PTCH1: variants seen among roughly 807,000 people sequenced by gnomAD.
PTCH1 encodes the protein protein patched homolog 1.
In PTCH1, 14 loss-of-function variants were observed where a neutral mutation model predicts 144.6. The observed-to-expected ratio is 0.10, with a 90% CI of 0.06 to 0.15. PTCH1 has a LOEUF of 0.15. PTCH1 is among the 10% of genes least tolerant of loss of function. The probability of loss-of-function intolerance (pLI) is 1.00; values close to 1 mark genes in which losing one functional copy is unlikely to be tolerated. For missense variants in PTCH1, 1,623 were observed against 1,948.3 expected, an observed-to-expected ratio of 0.83 and a Z score of 3.14; for synonymous variants, 833 against 793.6, an observed-to-expected ratio of 1.05 and a Z score of -0.83.
At chr9:95,446,845 G>A in intron 23 of PTCH1, 66 bp downstream of exon 23, 2 of 1,605,618 alleles carry the variant, frequency 1.2e-6, no homozygotes, top group East Asian at 2.2e-5. Context: ...GAGAACCCCA[G>A]GAGAACCTTG....
chr9:95,479,152 A>G lies in PTCH1; in HGVS notation c.1068-5T>C. 6.2e-7 allele frequency: 1 copy of G among 1,614,134 alleles called. No homozygotes were observed. The highest frequency in any genetic ancestry group is 1.7e-4 in the Middle Eastern group (1 of 6,058). On this transcript the variant is annotated splice_polypyrimidine_tract_variant and splice_region_variant and intron_variant, in intron 7 of 23. Coordinates refer to ENST00000331920, the MANE Select transcript of PTCH1 (RefSeq NM_000264.5). ...ATGGTCTGCAGGGCATGGGCGCTGC[A>G]GCACAGTCCAAGGGAAGGCACATCA... is the stretch of plus-strand genomic sequence containing the variant.
chr9:95,488,923 C>T (rs914242566), intron 2 of PTCH1, among the ~76,000 whole-genome samples: 1 of 152,146 alleles, frequency 6.6e-6, no homozygotes, highest in African/African-American at 2.4e-5. Context: ...CTGCAAAGCC[C>T]TCAGGTTTGG....
chr9:95,459,332 T>C (rs1564020900), intron 17 of PTCH1, among the ~76,000 whole-genome samples: 2 of 152,216 alleles, frequency 1.3e-5, no homozygotes, highest in Non-Finnish European at 2.9e-5. Flanking sequence ...AGGGAACAGC[T>C]GGCACGTGAG....
intron 15 of PTCH1, among the ~76,000 whole-genome samples, chr9:95,465,638 G>A (rs772809104): frequency 7.9e-5 from 12 of 152,170 alleles, no homozygotes; most frequent in Non-Finnish European, 1.8e-4. Flanking sequence ...CCAACCTCAA[G>A]TTGTTGACCA....
intron 8 of PTCH1, among the ~76,000 whole-genome samples, chr9:95,478,589 A>G (rs1028371021): frequency 2.6e-5 from 4 of 152,142 alleles, no homozygotes; most frequent in Non-Finnish European, 5.9e-5. Context: ...GCCACTTTTA[A>G]AAGGTCACAT....
intron 22 of PTCH1, among the ~76,000 whole-genome samples, chr9:95,448,367 A>G (rs192910352): frequency 8.5e-5 from 13 of 152,308 alleles, no homozygotes; most frequent in Non-Finnish European, 1.0e-4. Flanking sequence ...GAGCAACATC[A>G]GCCCAGAACC....
intron 1 of PTCH1, chr9:95,514,669 A>AT: frequency 6.6e-6 from 1 of 151,956 alleles, no homozygotes; most frequent in East Asian, 1.9e-4. Flanking sequence ...AGGAATGAGG[A>AT]TAAAAACGGG....
intron 1 of PTCH1, among the ~76,000 whole-genome samples, chr9:95,515,105 A>C (rs1423695039): frequency 6.6e-6 from 1 of 152,206 alleles, no homozygotes; most frequent in African/African-American, 2.4e-5. Context: ...AGAAATTTTA[A>C]GTTGCAATAA....
intron 20 of PTCH1, chr9:95,451,446 C>G (rs9632916): frequency 0.17 from 25,167 of 152,166 alleles, 2,823 homozygotes; most frequent in Non-Finnish European, 0.24. Flanking sequence ...TATTTCTGGG[C>G]GGGAACAACC....
intron 12 of PTCH1, among the ~76,000 whole-genome samples, chr9:95,473,855 T>G (rs973355296): frequency 6.6e-6 from 1 of 152,216 alleles, no homozygotes; most frequent in Non-Finnish European, 1.5e-5. Context: ...CTTTTTTCTT[T>G]TGACAGAGAA....
At chr9:95,490,237 G>A (rs934245581) in intron 2 of PTCH1, among the ~76,000 whole-genome samples, 6 of 151,732 alleles carry the variant, frequency 4.0e-5, no homozygotes, top group Non-Finnish European at 7.4e-5. Context: ...ACTTTGGGAG[G>A]CCAAGGTGGA....
chr9:95,474,165 T>C (rs1840831142), intron 12 of PTCH1: 1 of 416,212 alleles, frequency 2.4e-6, no homozygotes, highest in Non-Finnish European at 4.8e-6. Context: ...GAGGAGAGAA[T>C]GAGAGAGAAA....
chr9:95,516,071 C>A (rs1313851681), intron 1 of PTCH1, among the ~76,000 whole-genome samples: 1 of 152,066 alleles, frequency 6.6e-6, no homozygotes, highest in African/African-American at 2.4e-5. Flanking sequence ...CAGTAGCCAC[C>A]ACCAGGCTGA....
chr9:95,511,057 A>G (rs914937374), upstream of PTCH1, among the ~76,000 whole-genome samples: 2 of 149,718 alleles, frequency 1.3e-5, no homozygotes, highest in African/African-American at 4.9e-5. Context: ...ACGCTGCCCA[A>G]TGCCCGCGCC....
intron 3 of PTCH1, among the ~76,000 whole-genome samples, chr9:95,484,756 T>G (rs1237130276): frequency 3.9e-5 from 6 of 152,160 alleles, no homozygotes; most frequent in Non-Finnish European, 4.4e-5. Context: ...TTCTCAATGC[T>G]GGGGTGAAAA....
At chr9:95,451,465 G>A (rs1237404792) in intron 20 of PTCH1, 9 of 152,238 alleles carry the variant, frequency 5.9e-5, no homozygotes, top group African/African-American at 2.2e-4. Flanking sequence ...CCCCGGCTGA[G>A]AGGAGAGCGC....
intron 1 of PTCH1, chr9:95,506,876 A>C (rs1469125579): frequency 8.6e-7 from 1 of 1,165,464 alleles, no homozygotes; most frequent in African/African-American, 1.6e-5. Context: ...CTGGGGCTGC[A>C]ATACAGAAGA....
intron 17 of PTCH1, 120 bp downstream of exon 17, chr9:95,459,480 T>A (rs1195200661): frequency 8.1e-7 from 1 of 1,233,740 alleles, no homozygotes; most frequent in Non-Finnish European, 1.2e-6. Context: ...AGAAATAGAT[T>A]GTTCTGTTTA....
At chr9:95,473,559 T>C (rs1840769610) in intron 12 of PTCH1, among the ~76,000 whole-genome samples, 2 of 151,260 alleles carry the variant, frequency 1.3e-5, no homozygotes, top group South Asian at 4.2e-4. Flanking sequence ...TTTTTTTTTT[T>C]TTTGAGACAG....
Sources: allele counts gnomAD v4.1 joint callset (sites outside exome capture counted in the v4.1 genomes callset), GRCh38; gene constraint gnomAD v4.1.1; transcripts MANE v1.5; gene names NCBI Gene and HGNC (gene_info 2026-07-23, HGNC 2026-07-21).